SYT14: variants seen among roughly 807,000 people sequenced by gnomAD.
SYT14 encodes the protein synaptotagmin-14.
In SYT14, 32 loss-of-function variants were observed where a neutral mutation model predicts 74.2. That is an observed-to-expected ratio of 0.43 (90% CI 0.33 to 0.58). SYT14 has a LOEUF of 0.58. Ranked by LOEUF, SYT14 falls within the 20% of genes least tolerant of loss-of-function variation. The pLI, the probability that SYT14 is intolerant of heterozygous loss-of-function variation, is 0.05. For missense variants in SYT14, 791 were observed against 981.8 expected (o/e 0.81, Z 2.60); for synonymous variants, 298 against 337.7 (o/e 0.88, Z 1.29).
At chr1:210,031,674 A>G (rs887035638) in intron 5 of SYT14, among the ~76,000 whole-genome samples, 4 of 152,158 alleles carry the variant, frequency 2.6e-5, no homozygotes, top group South Asian at 2.1e-4. Flanking sequence ...CACCTAGGTC[A>G]TCAAATTTGT....
At chr1:210,110,870 G>T (rs946319725) in intron 7 of SYT14, among the ~76,000 whole-genome samples, 1 of 152,020 alleles carries the variant, frequency 6.6e-6, no homozygotes, top group Non-Finnish European at 1.5e-5. Context: ...TCAGCCTCCC[G>T]AGTAGCTGGG....
chr1:210,073,454 TA>T (rs907614067), intron 5 of SYT14, among the ~76,000 whole-genome samples: 3 of 151,818 alleles, frequency 2.0e-5, no homozygotes, highest in African/African-American at 7.3e-5. Context: ...AATGAAAAAA[TA>T]AAAAAAATCC....
At chr1:210,045,963 T>A (rs1454612831) in intron 5 of SYT14, among the ~76,000 whole-genome samples, 1 of 152,226 alleles carries the variant, frequency 6.6e-6, no homozygotes, top group Non-Finnish European at 1.5e-5. Context: ...ATATTTGATA[T>A]TATAAATCAC....
intron 7 of SYT14, among the ~76,000 whole-genome samples, chr1:210,154,655 A>C (rs2083233193): frequency 6.6e-6 from 1 of 151,884 alleles, no homozygotes. Context: ...CTTTCAAATC[A>C]CTTATTTTTA....
chr1:210,004,104 A>G (rs2079948861), intron 2 of SYT14, among the ~76,000 whole-genome samples: 1 of 152,002 alleles, frequency 6.6e-6, no homozygotes. Flanking sequence ...TTTGACTCGT[A>G]TTATATTATT....
intron 8 of SYT14, 156 bp from the exon 8 acceptor site, chr1:210,159,265 G>T: frequency 4.0e-6 from 3 of 749,908 alleles, no homozygotes; most frequent in South Asian, 1.6e-5. Context: ...CATCCTTTTT[G>T]TTCAATCCTC....
chr1:210,152,570 C>A (rs940673083), intron 7 of SYT14, among the ~76,000 whole-genome samples: 2 of 152,058 alleles, frequency 1.3e-5, no homozygotes, highest in African/African-American at 4.8e-5. Flanking sequence ...TCTTGCAAAA[C>A]CCAACACACA....
intron 1 of SYT14, among the ~76,000 whole-genome samples, chr1:209,949,401 C>A (rs556144793): frequency 2.0e-5 from 3 of 151,874 alleles, no homozygotes; most frequent in Admixed American, 2.0e-4. Context: ...AGTGAAACCC[C>A]GCCTCTACTA....
chr1:210,147,704 A>G (rs1305041462), intron 7 of SYT14, among the ~76,000 whole-genome samples: 2 of 152,226 alleles, frequency 1.3e-5, no homozygotes, highest in Non-Finnish European at 2.9e-5. Context: ...TACAATAAGT[A>G]TAGGGTATGT....
In SYT14 at chr1:209,963,163, T is replaced by C. The variant is rs116793892; in HGVS notation, c.-486+10407T>C. ...TCAAGGGAGGTGATCTAGGCATTCT[T>C]TTACTCTGAATAGACATTATAGTTC... On this transcript the variant is annotated intron_variant, in intron 2 of 9. Coordinates refer to ENST00000637265, the Ensembl canonical transcript of SYT14. Among the ~76,000 whole-genome samples, 964 of 152,258 alleles carry C rather than the reference T, an allele frequency of 6.3e-3. 5 individuals carry two copies. The highest frequency in any genetic ancestry group is 0.01 in the Non-Finnish European group (702 of 68,000).
At chr1:210,163,996 G>A (rs991693192) in exon 10 of SYT14, 13 of 452,794 alleles carry the variant, frequency 2.9e-5, no homozygotes, top group Non-Finnish European at 4.0e-5. Flanking sequence ...TATGGCAATC[G>A]ACTGGCATTT....
intron 5 of SYT14, among the ~76,000 whole-genome samples, chr1:210,049,469 C>A (rs2080949942): frequency 6.7e-6 from 1 of 148,530 alleles, no homozygotes; most frequent in Admixed American, 6.8e-5. Context: ...TCCTGGGATA[C>A]ATGTGCAGGA....
Position 209,938,251 on chromosome 1 carries a change from A to T in SYT14, c.-560A>T. Reference sequence around the variant, plus strand: ...CCCCGCCATCCAGTTGGTGCGGTCCATGGCGAGCGCATCATGGCGATTGAA... The same window carrying T: ...CCCCGCCATCCAGTTGGTGCGGTCCTTGGCGAGCGCATCATGGCGATTGAA... On this transcript the variant is annotated 5_prime_UTR_variant, in exon 1 of 10. The change abolishes an upstream ATG in the 5' untranslated region. Transcript: ENST00000637265. The T allele has an allele frequency of 1.3e-6, 2 of 1,557,942 alleles. No homozygotes were observed. The highest frequency in any genetic ancestry group is 1.2e-5 in the South Asian group (1 of 86,326).
chr1:210,015,895 T>C, exon 4 of SYT14: 1 of 1,228,234 alleles, frequency 8.1e-7, no homozygotes, highest in Non-Finnish European at 1.0e-6. Flanking sequence ...AATATTGAGC[T>C]GACGAATAGC....
intron 5 of SYT14, among the ~76,000 whole-genome samples, chr1:210,044,369 T>TA (rs1168908121): frequency 6.6e-6 from 1 of 152,242 alleles, no homozygotes; most frequent in African/African-American, 2.4e-5. Flanking sequence ...CCGGAACTCA[T>TA]AATAAGTTTA....
At chr1:210,119,470 T>G (rs1158853391) in intron 7 of SYT14, among the ~76,000 whole-genome samples, 1 of 152,234 alleles carries the variant, frequency 6.6e-6, no homozygotes, top group Non-Finnish European at 1.5e-5. Context: ...TTAAATTGAA[T>G]GAAATTGTTT....
chr1:210,115,384 G>T (rs182358284), intron 7 of SYT14, among the ~76,000 whole-genome samples: 3 of 151,144 alleles, frequency 2.0e-5, no homozygotes, highest in Non-Finnish European at 4.4e-5. Flanking sequence ...CAGGAAAGTG[G>T]TGCTTGCCAC....
chr1:210,005,877 CTTT>C (rs1007865224), intron 2 of SYT14, among the ~76,000 whole-genome samples: 1 of 151,482 alleles, frequency 6.6e-6, no homozygotes, highest in African/African-American at 2.4e-5. Context: ...TTTGGGTTTT[CTTT>C]TTTTTCTAAT....
chr1:209,958,988 T>C (rs10863801), intron 2 of SYT14, among the ~76,000 whole-genome samples: 5,196 of 152,186 alleles, frequency 0.034, 613 homozygotes, highest in Admixed American at 0.23. Flanking sequence ...ACAGCAACTT[T>C]AGAAAACAAT....
Sources: allele counts gnomAD v4.1 joint callset (sites outside exome capture counted in the v4.1 genomes callset), GRCh38; gene constraint gnomAD v4.1.1; transcripts MANE v1.5; gene names NCBI Gene and HGNC (gene_info 2026-07-23, HGNC 2026-07-21).